Variants in EPHA3 observed in about 807,000 individuals in gnomAD.
EPHA3 encodes ephrin type-A receptor 3.
Under a neutral mutation model 107.1 loss-of-function variants are expected in EPHA3, and 42 were observed. That is an observed-to-expected ratio of 0.39 (90% confidence interval 0.31 to 0.51). The LOEUF (loss-of-function observed/expected upper bound fraction) is 0.51. Ranked by LOEUF, EPHA3 falls within the 20% of genes least tolerant of loss-of-function variation. EPHA3 has a pLI of 0.78. For missense variants in EPHA3, 1,183 were observed against 1,211.2 expected (o/e 0.98, Z 0.35); for synonymous variants, 461 against 424.8 (o/e 1.09, Z -1.05).
chr3:89,108,877 A>C (rs1707033768), intron 1 of EPHA3, among the ~76,000 whole-genome samples: 1 of 152,196 alleles, frequency 6.6e-6, no homozygotes, highest in South Asian at 2.1e-4. Flanking sequence ...TGAACTTATA[A>C]CAGTAACATT....
chr3:89,390,150 A>C (rs1199336961), intron 5 of EPHA3, among the ~76,000 whole-genome samples: 1 of 151,934 alleles, frequency 6.6e-6, no homozygotes, highest in African/African-American at 2.4e-5. Context: ...CACCACCACA[A>C]CCAGCTAATT....
intron 7 of EPHA3, chr3:89,399,807 T>TATTCCAGGTTC: frequency 1.8e-6 from 2 of 1,110,076 alleles, no homozygotes; most frequent in Non-Finnish European, 2.2e-6. Context: ...TCATTTCAGA[T>TATTCCAGGTTC]ATTCCAGGTT....
intron 5 of EPHA3, among the ~76,000 whole-genome samples, chr3:89,387,114 T>C (rs1238950550): frequency 1.3e-5 from 2 of 152,136 alleles, no homozygotes; most frequent in Non-Finnish European, 2.9e-5. Context: ...TTGGGGACCA[T>C]TGGAAGGGCA....
At chr3:89,198,401 G>T (rs1442974428) in intron 2 of EPHA3, among the ~76,000 whole-genome samples, 1 of 150,626 alleles carries the variant, frequency 6.6e-6, no homozygotes, top group Non-Finnish European at 1.5e-5. Flanking sequence ...ATACTCTATT[G>T]AATCTCTTAG....
In EPHA3 at chr3:89,306,670, G is replaced by T. The variant is rs529483224; in HGVS notation, c.815-34246G>T. On this transcript the variant is annotated intron_variant, in intron 3 of 16. Coordinates refer to ENST00000336596, the MANE Select transcript of EPHA3 (RefSeq NM_005233.6). ...CCAGACTCTCTGGCTTCTCCAGGCT[G>T]GCTTACCTAAGCTCAGTCTAGCCAT... Among the ~76,000 whole-genome samples, 8 of 152,242 alleles carry T rather than the reference G, an allele frequency of 5.3e-5. No homozygotes were observed. The East Asian group carries it at 1.5e-3, about 29-fold the overall frequency.
At chr3:89,351,291 T>C (rs369345762) in intron 5 of EPHA3, among the ~76,000 whole-genome samples, 2,374 of 149,760 alleles carry the variant, frequency 0.016, 56 homozygotes, top group African/African-American at 0.051. Flanking sequence ...TAGGACCCTC[T>C]GAGCCAGGTG....
intron 3 of EPHA3, among the ~76,000 whole-genome samples, chr3:89,248,036 A>G (rs1559617965): frequency 6.6e-6 from 1 of 152,150 alleles, no homozygotes; most frequent in African/African-American, 2.4e-5. Flanking sequence ...CATTCTCCCA[A>G]TTAAAAACAA....
chr3:89,433,853 A>G (rs1480242936), intron 13 of EPHA3, among the ~76,000 whole-genome samples: 1 of 152,206 alleles, frequency 6.6e-6, no homozygotes, highest in Non-Finnish European at 1.5e-5. Context: ...TCTGATCACC[A>G]GAAAAATTAG....
intron 3 of EPHA3, among the ~76,000 whole-genome samples, chr3:89,256,849 C>T (rs1040510185): frequency 5.3e-5 from 8 of 152,204 alleles, no homozygotes; most frequent in Middle Eastern, 3.4e-3. Context: ...TTATACCATA[C>T]GGTAATGAAT....
chr3:89,275,966 G>A (rs1705794848), intron 3 of EPHA3, among the ~76,000 whole-genome samples: 1 of 152,098 alleles, frequency 6.6e-6, no homozygotes, highest in South Asian at 2.1e-4. Context: ...GCCAAATTTT[G>A]GGGAGTTGCA....
intron 3 of EPHA3, among the ~76,000 whole-genome samples, chr3:89,338,710 G>A (rs574365650): frequency 1.6e-4 from 25 of 152,194 alleles, no homozygotes; most frequent in Admixed American, 6.5e-5. Context: ...CACTGTGCCC[G>A]GCTAATATTT....
Position 89,479,508 on chromosome 3 carries a change from GGGACGGAAGTGCTTCT to G in EPHA3, c.*18_*33del. 6.2e-7 allele frequency: 1 copy of G among 1,607,678 alleles called. No homozygotes were observed. The highest frequency in any genetic ancestry group is 8.5e-7 in the Non-Finnish European group (1 of 1,174,252). On this transcript the variant is annotated 3_prime_UTR_variant, in exon 17 of 17. Coordinates refer to ENST00000336596, the MANE Select transcript of EPHA3 (RefSeq NM_005233.6). ...ATGGCCCAGTTCCCGTGTAAAGCAC[GGGACGGAAGTGCTTCT>G]GGACGGAAGTGGTGGCTGTGGAAGG...
At chr3:89,437,520 G>A (rs1709696974) in intron 13 of EPHA3, among the ~76,000 whole-genome samples, 2 of 151,694 alleles carry the variant, frequency 1.3e-5, no homozygotes, top group African/African-American at 4.8e-5. Context: ...TTTTTGCCCT[G>A]GTCTACTAAT....
chr3:89,339,060 A>G (rs1454063385), intron 3 of EPHA3, among the ~76,000 whole-genome samples: 1 of 152,220 alleles, frequency 6.6e-6, no homozygotes, highest in Non-Finnish European at 1.5e-5. Context: ...ATACGTAGGC[A>G]CATATACATA....
chr3:89,143,330 T>C (rs1280232409), intron 2 of EPHA3, among the ~76,000 whole-genome samples: 1 of 151,504 alleles, frequency 6.6e-6, no homozygotes. Context: ...CTAAGTGGCG[T>C]TGAAAGATCT....
At chr3:89,160,888 T>A (rs1185921283) in intron 2 of EPHA3, among the ~76,000 whole-genome samples, 1 of 152,158 alleles carries the variant, frequency 6.6e-6, no homozygotes, top group Non-Finnish European at 1.5e-5. Flanking sequence ...GGTTCTCCAA[T>A]TTTTTGGTCT....
intron 3 of EPHA3, among the ~76,000 whole-genome samples, chr3:89,213,645 A>T (rs980102948): frequency 6.6e-6 from 1 of 152,018 alleles, no homozygotes; most frequent in Admixed American, 6.6e-5. Flanking sequence ...TTATGAATTT[A>T]TGATGCATAT....
At chr3:89,448,757 A>G (rs1709927793) in intron 13 of EPHA3, among the ~76,000 whole-genome samples, 1 of 152,120 alleles carries the variant, frequency 6.6e-6, no homozygotes, top group East Asian at 1.9e-4. Flanking sequence ...ACCTGTAAGT[A>G]CTTATGTGCC....
intron 3 of EPHA3, among the ~76,000 whole-genome samples, chr3:89,218,011 G>C (rs1028890353): frequency 6.6e-6 from 1 of 152,174 alleles, no homozygotes. Flanking sequence ...CTTCTACATT[G>C]AATATAAAAT....
Sources: allele counts gnomAD v4.1 joint callset (sites outside exome capture counted in the v4.1 genomes callset), GRCh38; gene constraint gnomAD v4.1.1; transcripts MANE v1.5; gene names NCBI Gene and HGNC (gene_info 2026-07-23, HGNC 2026-07-21).